Variants in PSMD14 observed in about 807,000 individuals in gnomAD.
The protein encoded by PSMD14 is ubiquitin C-terminal hydrolase PSMD14.
In PSMD14, 7 loss-of-function variants were observed where a neutral mutation model predicts 41.2. The ratio of observed to expected loss-of-function variants is 0.17; its 90% confidence interval spans 0.10 to 0.32. PSMD14 has a LOEUF of 0.32. Ranked by LOEUF, PSMD14 falls within the 10% of genes least tolerant of loss-of-function variation. PSMD14 has a pLI of 1.00. For missense variants in PSMD14, 139 were observed against 375.6 expected, an observed-to-expected ratio of 0.37 and a Z score of 5.21; for synonymous variants, 114 against 122.3, an observed-to-expected ratio of 0.93 and a Z score of 0.45.
chr2:161,315,750 G>A (rs1689140753), intron 1 of PSMD14, among the ~76,000 whole-genome samples: 1 of 151,584 alleles, frequency 6.6e-6, no homozygotes, highest in South Asian at 2.1e-4. Flanking sequence ...CTATTTGATA[G>A]ATTTGTAATA....
chr2:161,403,390 A>G (rs1683907349), intron 10 of PSMD14, among the ~76,000 whole-genome samples: 1 of 152,204 alleles, frequency 6.6e-6, no homozygotes, highest in African/African-American at 2.4e-5. Flanking sequence ...GACTTGGGCA[A>G]GGCAGGAATG....
intron 8 of PSMD14, among the ~76,000 whole-genome samples, chr2:161,390,320 C>T (rs1683695407): frequency 6.6e-6 from 1 of 152,014 alleles, no homozygotes; most frequent in South Asian, 2.1e-4. Flanking sequence ...AGGTTTATTT[C>T]TGACTTTCAT....
At chr2:161,330,026 A>C (rs899400868) in intron 3 of PSMD14, among the ~76,000 whole-genome samples, 31 of 152,132 alleles carry the variant, frequency 2.0e-4, no homozygotes, top group African/African-American at 7.5e-4. Flanking sequence ...TAATTGTGAT[A>C]GGTCTTTTGA....
At chr2:161,331,953 G>A (rs1180392515) in intron 3 of PSMD14, among the ~76,000 whole-genome samples, 1 of 152,178 alleles carries the variant, frequency 6.6e-6, no homozygotes, top group Non-Finnish European at 1.5e-5. Context: ...GCTAGAGCTG[G>A]AACACAACTT....
intron 3 of PSMD14, among the ~76,000 whole-genome samples, chr2:161,322,071 T>C (rs1682615112): frequency 6.6e-6 from 1 of 152,148 alleles, no homozygotes; most frequent in Non-Finnish European, 1.5e-5. Context: ...TCAGCCCTCA[T>C]CTGCAAGCTA....
chr2:161,311,752 T>TGCC (rs1689089998), intron 1 of PSMD14, among the ~76,000 whole-genome samples: 1 of 151,398 alleles, frequency 6.6e-6, no homozygotes, highest in African/African-American at 2.4e-5. Flanking sequence ...CTAGCTGGGA[T>TGCC]TACAGGTGCC....
chr2:161,382,592 G>A (rs1274353415), intron 7 of PSMD14: 4 of 151,794 alleles, frequency 2.6e-5, no homozygotes, highest in African/African-American at 4.8e-5. Flanking sequence ...AAATTAAATG[G>A]TCAGGCGGGT....
chr2:161,391,572 G>A (rs888680721), intron 9 of PSMD14, among the ~76,000 whole-genome samples: 3 of 152,030 alleles, frequency 2.0e-5, no homozygotes, highest in African/African-American at 7.2e-5. Flanking sequence ...TTGCAGTTGT[G>A]TAGTGCTTTT....
rs533876012 is a variant in PSMD14 at position 161,384,275 on chromosome 2, T to A, written c.463-1189T>A. ...CATCATGTTTTAGTCTAGGTTTGTA[T>A]TTTTTGTTATTGTCTTTGGACCCAT... On this transcript the variant is annotated intron_variant, in intron 7 of 11. Transcript: ENST00000409682. 13 of 151,814 alleles carry A rather than the reference T, an allele frequency of 8.6e-5. No individual in the cohort carries two copies. The South Asian group carries it at 2.7e-3, about 31-fold the overall frequency. 9.4% of individuals were successfully genotyped at this position (151,814 alleles called of 1,614,324 possible). A position where few individuals can be genotyped will look rare whatever the true frequency, so the allele number is the denominator to read the frequency against.
intron 9 of PSMD14, among the ~76,000 whole-genome samples, chr2:161,394,611 T>C (rs1490319609): frequency 6.6e-6 from 1 of 152,210 alleles, no homozygotes; most frequent in Non-Finnish European, 1.5e-5. Context: ...ACCCTAGTGA[T>C]CTTGAAATGA....
At chr2:161,372,610 C>T (rs1349415207) in intron 7 of PSMD14, among the ~76,000 whole-genome samples, 1 of 151,734 alleles carries the variant, frequency 6.6e-6, no homozygotes, top group African/African-American at 2.4e-5. Flanking sequence ...TTGCTATATG[C>T]CTATATTTCA....
chr2:161,321,988 T>C (rs1431761949), intron 3 of PSMD14, among the ~76,000 whole-genome samples: 1 of 152,144 alleles, frequency 6.6e-6, no homozygotes, highest in Non-Finnish European at 1.5e-5. Context: ...AATTCAAATC[T>C]CCATCCTCCC....
At chr2:161,352,998 G>A (rs1378453311) in intron 3 of PSMD14, among the ~76,000 whole-genome samples, 1 of 152,082 alleles carries the variant, frequency 6.6e-6, no homozygotes, top group Admixed American at 6.6e-5. Context: ...ATCCAGTGGT[G>A]TCCATTGCTT....
intron 10 of PSMD14, among the ~76,000 whole-genome samples, chr2:161,397,811 A>G (rs1016202641): frequency 6.6e-6 from 1 of 152,170 alleles, no homozygotes; most frequent in African/African-American, 2.4e-5. Context: ...GGAAATCCCC[A>G]TTAGTGCTAG....
At chr2:161,342,248 A>G (rs921517417) in intron 3 of PSMD14, among the ~76,000 whole-genome samples, 1 of 152,134 alleles carries the variant, frequency 6.6e-6, no homozygotes, top group African/African-American at 2.4e-5. Context: ...TTATCTGACC[A>G]TCAAACATGA....
chr2:161,372,924 G>T (rs942886458), intron 7 of PSMD14, among the ~76,000 whole-genome samples: 7 of 151,742 alleles, frequency 4.6e-5, no homozygotes, highest in African/African-American at 1.7e-4. Flanking sequence ...TAGGTTTTAT[G>T]ATATCTTGAC....
At chr2:161,326,074 G>A (rs1013786264) in intron 3 of PSMD14, among the ~76,000 whole-genome samples, 2 of 152,082 alleles carry the variant, frequency 1.3e-5, no homozygotes, top group African/African-American at 4.8e-5. Flanking sequence ...GTCTTGCTCT[G>A]TCACCCAGGC....
chr2:161,336,049 G>C (rs953914576), intron 3 of PSMD14, among the ~76,000 whole-genome samples: 1 of 152,174 alleles, frequency 6.6e-6, no homozygotes, highest in East Asian at 1.9e-4. Context: ...GCCTAGAGGC[G>C]TATGTTTAAT....
At chr2:161,367,414 A>G in intron 3 of PSMD14, 64 bp from the exon 4 acceptor site, 1 of 1,313,004 alleles carries the variant, frequency 7.6e-7, no homozygotes, top group Non-Finnish European at 1.1e-6. Context: ...ACCACATGTA[A>G]CTTGAATTTT....
Sources: allele counts gnomAD v4.1 joint callset (sites outside exome capture counted in the v4.1 genomes callset), GRCh38; gene constraint gnomAD v4.1.1; transcripts MANE v1.5; gene names NCBI Gene and HGNC (gene_info 2026-07-23, HGNC 2026-07-21).